The following EPB41L2 variants were observed in gnomAD, a reference collection of about 807,000 sequenced individuals.
EPB41L2 encodes band 4.1-like protein 2.
Under a neutral mutation model 113.0 loss-of-function variants are expected in EPB41L2, and 43 were observed. That is an observed-to-expected ratio of 0.38 (90% CI 0.30 to 0.49). The LOEUF (loss-of-function observed/expected upper bound fraction) is 0.49, where lower values mean the gene tolerates loss of function less well. Among genes scored for constraint, EPB41L2 ranks in the 20% least tolerant of loss-of-function variants. The probability of loss-of-function intolerance (pLI) is 0.95; values close to 1 mark genes in which losing one functional copy is unlikely to be tolerated. For synonymous variants in EPB41L2, 442 were observed against 436.7 expected (o/e 1.01, Z -0.15); for missense variants, 1,147 against 1,223.4 (o/e 0.94, Z 0.93).
intron 1 of EPB41L2, among the ~76,000 whole-genome samples, chr6:131,034,064 T>A (rs552004613): frequency 9.2e-5 from 14 of 152,322 alleles, no homozygotes; most frequent in African/African-American, 3.4e-4. Flanking sequence ...TAGAAAGAGC[T>A]TATGACTGTT....
At chr6:131,000,653 AG>A (rs1367569752) in intron 1 of EPB41L2, 3 of 152,240 alleles carry the variant, frequency 2.0e-5, no homozygotes, top group African/African-American at 7.2e-5. Context: ...GGTAAACCAT[AG>A]ATCTCCTCAG....
At chr6:131,019,710 T>A (rs1395697914) in intron 1 of EPB41L2, among the ~76,000 whole-genome samples, 1 of 152,196 alleles carries the variant, frequency 6.6e-6, no homozygotes. Context: ...GTATATTATT[T>A]CTTCATTTCT....
At chr6:130,950,222 G>C (rs1051416351) in intron 3 of EPB41L2, among the ~76,000 whole-genome samples, 2 of 151,836 alleles carry the variant, frequency 1.3e-5, no homozygotes, top group African/African-American at 4.8e-5. Flanking sequence ...TTATCCCAAA[G>C]AAAAAGAGCA....
intron 1 of EPB41L2, among the ~76,000 whole-genome samples, chr6:130,959,556 T>C (rs1236448117): frequency 2.0e-5 from 3 of 152,214 alleles, no homozygotes; most frequent in Admixed American, 1.3e-4. Flanking sequence ...AGTTAACTAT[T>C]ATACCCACAT....
chr6:130,972,943 A>G lies in EPB41L2; in HGVS notation c.-14-16444T>C, dbSNP rs1777236882. 1.1e-4 allele frequency among the ~76,000 whole-genome samples: 15 copies of G among 141,142 alleles called. No individual in the cohort carries two copies. The South Asian group carries it at 3.5e-3, about 33-fold the overall frequency. 92.6% of individuals were successfully genotyped at this position (141,142 alleles called of 152,430 possible). A position where few individuals can be genotyped will look rare whatever the true frequency, so the allele number is the denominator to read the frequency against. Reference sequence around the variant, plus strand: ...CCCATCTCTACTAAAGATACAAAAAAAAAAAAAAAAAAAAAAAAAACAGCC... The same window carrying G: ...CCCATCTCTACTAAAGATACAAAAAGAAAAAAAAAAAAAAAAAAAACAGCC... On this transcript the variant is annotated intron_variant, in intron 1 of 19. Coordinates refer to ENST00000337057, the MANE Select transcript of EPB41L2 (RefSeq NM_001431.4).
chr6:130,881,257 GGAT>G (rs1789225108), intron 12 of EPB41L2: 1 of 152,018 alleles, frequency 6.6e-6, no homozygotes, highest in East Asian at 1.9e-4. Flanking sequence ...TTCTTAATTA[GGAT>G]GATAGTGTCA....
intron 8 of EPB41L2, 50 bp from the exon 9 acceptor site, chr6:130,895,169 CA>C: frequency 6.5e-7 from 1 of 1,534,092 alleles, no homozygotes; most frequent in Non-Finnish European, 8.8e-7. Flanking sequence ...GAAAGTTACA[CA>C]AATCAAGAAG....
intron 17 of EPB41L2, among the ~76,000 whole-genome samples, chr6:130,864,975 G>A (rs1462633429): frequency 6.6e-6 from 1 of 152,206 alleles, no homozygotes; most frequent in Non-Finnish European, 1.5e-5. Flanking sequence ...GGTTTCAGGA[G>A]GACTGGAGTG....
intron 15 of EPB41L2, chr6:130,868,661 G>T (rs1014380455): frequency 2.0e-5 from 3 of 152,072 alleles, no homozygotes; most frequent in African/African-American, 7.2e-5. Flanking sequence ...CCATCCCATC[G>T]AAGAGAACAA....
At chr6:130,840,936 G>A (rs1775263777) in intron 19 of EPB41L2, among the ~76,000 whole-genome samples, 1 of 152,146 alleles carries the variant, frequency 6.6e-6, no homozygotes, top group African/African-American at 2.4e-5. Flanking sequence ...TATACTCAGG[G>A]AAAGGGAAAG....
chr6:130,989,652 G>T (rs1781376311), intron 1 of EPB41L2, among the ~76,000 whole-genome samples: 1 of 152,168 alleles, frequency 6.6e-6, no homozygotes, highest in Non-Finnish European at 1.5e-5. Flanking sequence ...CTTCTCTAGA[G>T]ACTAAAAACT....
intron 1 of EPB41L2, among the ~76,000 whole-genome samples, chr6:130,958,453 A>AAAC (rs200679204): frequency 4.9e-4 from 70 of 143,770 alleles, no homozygotes; most frequent in South Asian, 9.3e-4. Flanking sequence ...CCCTGTCTCA[A>AAAC]AACAACAACA....
At chr6:130,904,365 T>C in intron 6 of EPB41L2, 100 bp downstream of exon 6, 2 of 721,452 alleles carry the variant, frequency 2.8e-6, no homozygotes, top group South Asian at 2.8e-5. Context: ...AGAAAAACTG[T>C]TTTGGTTTTC....
At chr6:130,973,710 ATT>A (rs1474029110) in intron 1 of EPB41L2, among the ~76,000 whole-genome samples, 5 of 152,016 alleles carry the variant, frequency 3.3e-5, no homozygotes, top group Non-Finnish European at 1.5e-5. Context: ...GAATGCAACC[ATT>A]TGTCTCTTAT....
chr6:131,020,464 A>T (rs1341262490), intron 1 of EPB41L2, among the ~76,000 whole-genome samples: 1 of 152,174 alleles, frequency 6.6e-6, no homozygotes, highest in Non-Finnish European at 1.5e-5. Context: ...ATCATCTGCA[A>T]GTCTACCTTT....
chr6:130,956,622 TC>T, intron 1 of EPB41L2, 123 bp from the exon 2 acceptor site: 1 of 876,756 alleles, frequency 1.1e-6, no homozygotes. Context: ...AGAAAGCACA[TC>T]AAGAAAGAAG....
intron 1 of EPB41L2, among the ~76,000 whole-genome samples, chr6:131,039,841 CAAAA>C (rs552561875): frequency 7.5e-6 from 1 of 132,856 alleles, no homozygotes; most frequent in Non-Finnish European, 1.6e-5. Context: ...GAAACACAAC[CAAAA>C]AAAAAAAACT....
Position 131,043,997 on chromosome 6 carries a change from A to G in EPB41L2, c.-15+19158T>C, listed in dbSNP as rs562747848. On this transcript the variant is annotated intron_variant, in intron 1 of 19. Transcript: ENST00000337057. The stretch of plus-strand genomic sequence containing the variant: ...TGCTATTCAGTTTAGTTTTGTATAT[A>G]TTTAAAACTTTCTAAATAATGCTTT... Among the ~76,000 whole-genome samples, 158 of 148,586 alleles carry G rather than the reference A, an allele frequency of 1.1e-3. 1 individual carries two copies. Among genetic ancestry groups the G allele is most frequent in the Non-Finnish European group, 1.5e-3 (102 of 66,816 alleles).
intron 11 of EPB41L2, among the ~76,000 whole-genome samples, chr6:130,889,941 A>T (rs1721405316): frequency 6.6e-6 from 1 of 152,126 alleles, no homozygotes; most frequent in African/African-American, 2.4e-5. Flanking sequence ...AACACCCCAA[A>T]TCTGAACATA....
Sources: allele counts gnomAD v4.1 joint callset (sites outside exome capture counted in the v4.1 genomes callset), GRCh38; gene constraint gnomAD v4.1.1; transcripts MANE v1.5; gene names NCBI Gene and HGNC (gene_info 2026-07-23, HGNC 2026-07-21).